The following PCDH15 variants were observed in gnomAD, a reference collection of about 807,000 sequenced individuals.
PCDH15 encodes protocadherin-15.
A neutral mutation model predicts 178.5 loss-of-function variants in PCDH15; 129 were observed. The observed-to-expected ratio is 0.72, with a 90% CI of 0.63 to 0.84. The LOEUF is 0.84. Among genes scored for constraint, PCDH15 ranks in the 40% least tolerant of loss-of-function variants. The probability of loss-of-function intolerance (pLI) is 0.00; values close to 1 mark genes in which losing one functional copy is unlikely to be tolerated. For synonymous variants in PCDH15, 800 were observed against 732.0 expected, an observed-to-expected ratio of 1.09 and a Z score of -1.50; for missense variants, 2,230 against 2,099.9, an observed-to-expected ratio of 1.06 and a Z score of -1.21.
chr10:54,177,648 T>C (rs1401280984), intron 13 of PCDH15, among the ~76,000 whole-genome samples: 1 of 152,032 alleles, frequency 6.6e-6, no homozygotes, highest in African/African-American at 2.4e-5. Context: ...AAAATAGAAA[T>C]TGCCTAAACT....
intron 2 of PCDH15, among the ~76,000 whole-genome samples, chr10:55,393,987 T>A (rs1446994331): frequency 1.3e-5 from 2 of 152,012 alleles, no homozygotes; most frequent in African/African-American, 4.8e-5. Context: ...ATATAACTTT[T>A]TTTTTCTCCA....
At chr10:55,323,812 G>A (rs1239571824), upstream of PCDH15, among the ~76,000 whole-genome samples, 2 of 152,182 alleles carry the variant, frequency 1.3e-5, no homozygotes, top group Non-Finnish European at 2.9e-5. Context: ...TTGCAGGACT[G>A]TTGGAGAGGC....
intron 2 of PCDH15, among the ~76,000 whole-genome samples, chr10:54,898,026 T>C (rs545724912): frequency 2.0e-5 from 3 of 152,232 alleles, no homozygotes; most frequent in Admixed American, 2.0e-4. Flanking sequence ...TGGGGCCTGA[T>C]GGGAGGTATT....
At chr10:53,888,304 A>ACATG (rs1554845196) in intron 26 of PCDH15, among the ~76,000 whole-genome samples, 1 of 88,976 alleles carries the variant, frequency 1.1e-5, no homozygotes, top group Non-Finnish European at 2.0e-5. Context: ...ATATATATAT[A>ACATG]TATATGTATA....
intron 22 of PCDH15, among the ~76,000 whole-genome samples, chr10:53,960,483 G>A (rs1374392822): frequency 1.5e-4 from 23 of 152,122 alleles, no homozygotes; most frequent in Non-Finnish European, 2.1e-4. Context: ...CTTTAGTGTT[G>A]AGATGTGATG....
At chr10:54,330,169 CAAA>C (rs3069757) in intron 6 of PCDH15, among the ~76,000 whole-genome samples, 101,880 of 150,170 alleles carry the variant, frequency 0.68, 35,036 homozygotes, top group Middle Eastern at 0.82. Context: ...GCATTAAATA[CAAA>C]AAAAAAAATA....
chr10:54,821,791 G>C (rs183977372), intron 3 of PCDH15, among the ~76,000 whole-genome samples: 1 of 152,158 alleles, frequency 6.6e-6, no homozygotes, highest in African/African-American at 2.4e-5. Context: ...ATTTTTGGTA[G>C]ATTCTCCACC....
chr10:54,089,968 A>G lies in PCDH15; in HGVS notation c.1997+16T>C. 6.3e-7 allele frequency: 1 copy of G among 1,587,678 alleles called. No homozygotes were observed. Among genetic ancestry groups the G allele is most frequent in the South Asian group, 1.1e-5 (1 of 90,538 alleles). On this transcript the variant is annotated intron_variant, in intron 16 of 37. Transcript: ENST00000644397. Reference sequence around the variant, plus strand: ...GCTGTACATTTTTTTAAAGTAGGAAATCATTTTTAACTTACGTTTCTGAAA... The same window carrying G: ...GCTGTACATTTTTTTAAAGTAGGAAGTCATTTTTAACTTACGTTTCTGAAA...
At chr10:55,321,998 A>G (rs529211550), upstream of PCDH15, among the ~76,000 whole-genome samples, 7 of 152,352 alleles carry the variant, frequency 4.6e-5, no homozygotes, top group Admixed American at 3.3e-4. Flanking sequence ...TCAAAACTGC[A>G]AATATCAATA....
chr10:54,799,244 C>T (rs1029506270), intron 1 of PCDH15, among the ~76,000 whole-genome samples: 11 of 152,054 alleles, frequency 7.2e-5, no homozygotes, highest in Admixed American at 2.6e-4. Flanking sequence ...CAATTTATGT[C>T]TGCCTATCTG....
At chr10:53,920,452 A>C (rs2083903946) in intron 25 of PCDH15, among the ~76,000 whole-genome samples, 1 of 152,040 alleles carries the variant, frequency 6.6e-6, no homozygotes, top group Non-Finnish European at 1.5e-5. Flanking sequence ...AAAGATATAT[A>C]ATTTAAAAAA....
chr10:54,106,322 A>G (rs1876328), intron 15 of PCDH15, among the ~76,000 whole-genome samples: 87,924 of 152,084 alleles, frequency 0.58, 26,203 homozygotes, highest in Middle Eastern at 0.67. Context: ...ATTATTCCAC[A>G]GAGATGATGG....
Position 54,837,022 on chromosome 10 carries a change from G to A in PCDH15, c.-29+60428C>T, listed in dbSNP as rs549579916. 1.1e-4 allele frequency among the ~76,000 whole-genome samples: 16 copies of A among 151,908 alleles called. No individual in the cohort carries two copies. The South Asian group carries it at 3.3e-3, about 31-fold the overall frequency. On this transcript the variant is annotated intron_variant, in intron 3 of 5. Transcript: ENST00000458638. The stretch of plus-strand genomic sequence containing the variant: ...AAAACGAAGAATATTTTTGGGAAAA[G>A]AAAACCATATTTTAGAAATGTTAGA...
chr10:55,263,513 G>A (rs1251186209), intron 1 of PCDH15, among the ~76,000 whole-genome samples: 2 of 151,918 alleles, frequency 1.3e-5, no homozygotes, highest in Non-Finnish European at 1.5e-5. Flanking sequence ...TGCAAAGCTC[G>A]CACCCAGCAG....
At chr10:54,502,151 C>T (rs947885056) in intron 3 of PCDH15, among the ~76,000 whole-genome samples, 2 of 151,980 alleles carry the variant, frequency 1.3e-5, no homozygotes, top group Non-Finnish European at 2.9e-5. Context: ...TTTGGTCAAG[C>T]AGATATGTTG....
At chr10:55,207,508 C>T (rs1258918088) in intron 1 of PCDH15, among the ~76,000 whole-genome samples, 3 of 152,050 alleles carry the variant, frequency 2.0e-5, no homozygotes, top group African/African-American at 4.8e-5. Flanking sequence ...AGTCTTAATG[C>T]CGAATTTCTG....
chr10:54,291,840 AC>A (rs2059431973), intron 8 of PCDH15, among the ~76,000 whole-genome samples: 1 of 152,220 alleles, frequency 6.6e-6, no homozygotes, highest in South Asian at 2.1e-4. Flanking sequence ...TAGCCTATCA[AC>A]CAAAAAAGGT....
intron 7 of PCDH15, among the ~76,000 whole-genome samples, chr10:54,326,122 C>A (rs1021772397): frequency 3.9e-5 from 6 of 152,094 alleles, no homozygotes; most frequent in Non-Finnish European, 7.4e-5. Flanking sequence ...TGTAAATGCT[C>A]CCAGCATGGC....
At chr10:55,220,764 G>T (rs766752490) in intron 1 of PCDH15, among the ~76,000 whole-genome samples, 7 of 151,862 alleles carry the variant, frequency 4.6e-5, no homozygotes, top group African/African-American at 1.7e-4. Context: ...CACATAAATG[G>T]ATATTTTTTC....
Sources: gnomAD v4.1 joint callset for allele counts (sites outside exome capture counted in the v4.1 genomes callset) on GRCh38, gnomAD v4.1.1 for gene constraint, MANE v1.5 for transcripts, NCBI Gene and HGNC (gene_info 2026-07-23, HGNC 2026-07-21) for gene names.